Variants in OGA observed in about 807,000 individuals in gnomAD.
OGA encodes the protein protein O-GlcNAcase.
In OGA, 21 loss-of-function variants were observed where a neutral mutation model predicts 102.0. The observed-to-expected ratio is 0.21, with a 90% confidence interval of 0.15 to 0.30. The LOEUF is 0.30. Ranked by LOEUF, OGA falls within the 10% of genes least tolerant of loss-of-function variation. The pLI is 1.00. For missense variants in OGA, 765 were observed against 1,107.8 expected (o/e 0.69, Z 4.39); for synonymous variants, 408 against 378.2 (o/e 1.08, Z -0.91).
Position 101,790,975 on chromosome 10 carries a change from T to G in OGA, c.2375A>C (p.Lys792Thr). The G allele has an allele frequency of 6.2e-7, 1 of 1,613,992 alleles. No individual in the cohort carries two copies. The highest frequency in any genetic ancestry group is 8.5e-7 in the Non-Finnish European group (1 of 1,179,936). ...GAAGGGGATCCAGGAAATTTTACAT[T>G]TTTTAATAAAGGGGGTCACATCTAC... ...GTVDVTPFIK[K>T]CKISWIPFMQ... Residue 792 changes from lysine (K) to threonine (T), a missense_variant, in exon 14 of 16, where the codon AAA becomes ACA. Lys to Thr is a moderately conservative substitution (Grantham distance 78). This residue lies in a region of OGA where 146 missense variants were observed against 269.7 expected (regional missense o/e 0.54). Transcript: ENST00000361464.
intron 14 of OGA, among the ~76,000 whole-genome samples, chr10:101,790,317 G>A (rs1337606328): frequency 2.4e-5 from 3 of 126,826 alleles, no homozygotes; most frequent in Admixed American, 9.9e-5. Context: ...CTGCTGCCCC[G>A]GCTGGAGTGC....
chr10:101,797,273 G>A (rs2065328211), intron 10 of OGA: 1 of 151,750 alleles, frequency 6.6e-6, no homozygotes, highest in South Asian at 2.1e-4. Flanking sequence ...TTGAAAACCT[G>A]AAAATGAAAT....
At chr10:101,799,580 A>C (rs2065362709) in intron 8 of OGA, 125 bp from the exon 9 acceptor site, 1 of 1,026,048 alleles carries the variant, frequency 9.7e-7, no homozygotes, top group Non-Finnish European at 1.4e-6. Flanking sequence ...TTTTAGATCC[A>C]AATTAATTTG....
At chr10:101,812,430 A>C (rs947525816) in intron 3 of OGA, among the ~76,000 whole-genome samples, 5 of 152,092 alleles carry the variant, frequency 3.3e-5, no homozygotes, top group Admixed American at 6.6e-5. Flanking sequence ...AAAACAAAAC[A>C]AAACCCAAAG....
chr10:101,804,266 C>T (rs1274113577), intron 6 of OGA, among the ~76,000 whole-genome samples: 27 of 149,218 alleles, frequency 1.8e-4, no homozygotes, highest in Admixed American at 3.3e-4. Context: ...GTTTTCCTTA[C>T]GTGTACTTTT....
intron 14 of OGA, among the ~76,000 whole-genome samples, chr10:101,789,225 G>A (rs1277611919): frequency 2.6e-5 from 4 of 152,262 alleles, no homozygotes; most frequent in African/African-American, 7.2e-5. Context: ...GAGGCCAGGC[G>A]CGGTGGCTCA....
At chr10:101,792,358 CTT>C (rs2135035259) in intron 12 of OGA, among the ~76,000 whole-genome samples, 1 of 152,272 alleles carries the variant, frequency 6.6e-6, no homozygotes, top group South Asian at 2.1e-4. Context: ...CTAGGCTGGT[CTT>C]GAACTCCTGA....
intron 8 of OGA, 109 bp from the exon 9 acceptor site, chr10:101,799,564 C>T: frequency 8.5e-7 from 1 of 1,170,228 alleles, no homozygotes; most frequent in Non-Finnish European, 1.2e-6. Flanking sequence ...TTAAGTGGAA[C>T]CTCAATTTTA....
chr10:101,790,118 A>G (rs999813974), intron 14 of OGA, among the ~76,000 whole-genome samples: 7 of 152,180 alleles, frequency 4.6e-5, no homozygotes, highest in African/African-American at 1.7e-4. Context: ...TCCTATCACA[A>G]AGTAGACTCT....
chr10:101,815,094 A>T (rs982702310), intron 1 of OGA, among the ~76,000 whole-genome samples: 3 of 152,188 alleles, frequency 2.0e-5, no homozygotes, highest in Non-Finnish European at 4.4e-5. Flanking sequence ...CACAATCTAC[A>T]TAAGAGACTA....
At chr10:101,792,230 G>C (rs193135084) in intron 12 of OGA, among the ~76,000 whole-genome samples, 2 of 151,774 alleles carry the variant, frequency 1.3e-5, no homozygotes, top group Admixed American at 1.3e-4. Context: ...CCATGGTCTC[G>C]ATCTCCTGAC....
chr10:101,803,550 G>C (rs769989351), intron 7 of OGA, among the ~76,000 whole-genome samples, 185 bp downstream of exon 7: 3 of 150,464 alleles, frequency 2.0e-5, no homozygotes, highest in African/African-American at 7.3e-5. Context: ...TTCATCAACA[G>C]AATGAAACAA....
chr10:101,806,313 C>T (rs549801501), intron 5 of OGA, among the ~76,000 whole-genome samples, 170 bp from the exon 6 acceptor site: 1 of 152,342 alleles, frequency 6.6e-6, no homozygotes, highest in South Asian at 2.1e-4. Flanking sequence ...AGCAATTCTC[C>T]TGCCTCAGCC....
rs563787054 is a variant in OGA at position 101,817,952 on chromosome 10, G to C, written c.71C>G (p.Ser24Cys). 2 of 1,600,688 alleles carry C rather than the reference G, an allele frequency of 1.2e-6. No homozygotes were observed. The highest frequency in any genetic ancestry group is 2.7e-5 in the African/African-American group (2 of 74,646). ...CGGCGGCTCCAGCGATGCCCCCGCA[G>C]AGGCGGCAGGGTTGGAGCTGAGCTC... ...ESELSSNPAA[S>C]AGASLEPPAA... Residue 24 changes from serine (S) to cysteine (C), a missense_variant, in exon 1 of 16, where the codon TCT (serine) becomes TGT (cysteine). By Grantham distance (112) the Ser-to-Cys change is moderately radical. Coordinates refer to ENST00000361464, the MANE Select transcript of OGA (RefSeq NM_012215.5).
At chr10:101,808,871 G>GA (rs1442871852) in intron 4 of OGA, among the ~76,000 whole-genome samples, 1 of 152,082 alleles carries the variant, frequency 6.6e-6, no homozygotes, top group African/African-American at 2.4e-5. Flanking sequence ...TCAGGAGGCT[G>GA]AGGCCAGAGA....
At chr10:101,811,055 A>G (rs1163655298) in intron 3 of OGA, among the ~76,000 whole-genome samples, 1 of 151,910 alleles carries the variant, frequency 6.6e-6, no homozygotes. Context: ...AAACCTACAC[A>G]TAACTACTTT....
intron 7 of OGA, among the ~76,000 whole-genome samples, chr10:101,803,179 T>G (rs17697908): frequency 0.055 from 8,254 of 149,710 alleles, 245 homozygotes; most frequent in African/African-American, 0.059. Context: ...AAAAGATAAA[T>G]GTAAGCTGAA....
intron 8 of OGA, among the ~76,000 whole-genome samples, chr10:101,799,697 TTG>T (rs1564644347): frequency 6.6e-6 from 1 of 152,198 alleles, no homozygotes; most frequent in African/African-American, 2.4e-5. Context: ...TTTTGAAAAT[TTG>T]TGTCTAAAAA....
In OGA at chr10:101,803,729, A is replaced by G; in HGVS notation, c.1036+6T>C. Reference sequence around the variant, plus strand: ...CAAGGTGAAAGATCAAGTACAGGCTACTTACTCATCACTACATCTTTTCTC... The same window carrying G: ...CAAGGTGAAAGATCAAGTACAGGCTGCTTACTCATCACTACATCTTTTCTC... On this transcript the variant is annotated splice_donor_region_variant and intron_variant, in intron 7 of 15. Transcript: ENST00000361464. The G allele has an allele frequency of 6.2e-7, 1 of 1,612,318 alleles. No homozygotes were observed. Among genetic ancestry groups the G allele is most frequent in the Non-Finnish European group, 8.5e-7 (1 of 1,178,464 alleles).
Sources: gnomAD v4.1 joint callset for allele counts (sites outside exome capture counted in the v4.1 genomes callset) on GRCh38, gnomAD v4.1.1 for gene constraint, gnomAD v4.1.1 regional missense constraint, MANE v1.5 for transcripts, NCBI Gene and HGNC (gene_info 2026-07-23, HGNC 2026-07-21) for gene names.